The following SCAI variants were observed in gnomAD, a reference collection of about 807,000 sequenced individuals.
SCAI encodes the protein protein SCAI.
SCAI carries 24 observed loss-of-function variants against 92.2 expected under a neutral mutation model. The ratio of observed to expected loss-of-function variants is 0.26; its 90% CI spans 0.19 to 0.37. The LOEUF (loss-of-function observed/expected upper bound fraction) is 0.37, where lower values mean the gene tolerates loss of function less well. SCAI is among the 10% of genes least tolerant of loss of function. The pLI is 1.00. For missense variants in SCAI, 450 were observed against 736.2 expected (o/e 0.61, Z 4.50); for synonymous variants, 261 against 258.6 (o/e 1.01, Z -0.09).
At chr9:125,078,878 T>C (rs1257459470) in intron 2 of SCAI, among the ~76,000 whole-genome samples, 3 of 152,170 alleles carry the variant, frequency 2.0e-5, no homozygotes, top group South Asian at 4.1e-4. Context: ...TACTCCAGCC[T>C]GGGGGATAGA....
intron 3 of SCAI, among the ~76,000 whole-genome samples, chr9:125,033,389 C>T (rs1833123526): frequency 6.6e-6 from 1 of 151,952 alleles, no homozygotes; most frequent in African/African-American, 2.4e-5. Context: ...GTTAATAACA[C>T]TTTGTAGCAC....
At chr9:125,094,133 T>A (rs1196320529) in intron 2 of SCAI, among the ~76,000 whole-genome samples, 1 of 152,220 alleles carries the variant, frequency 6.6e-6, no homozygotes, top group African/African-American at 2.4e-5. Flanking sequence ...ATATGTCAAA[T>A]TCTATCACTT....
At position 125,026,809 on chromosome 9, in the gene SCAI, T is replaced by C. The variant is rs367680195; in HGVS notation, c.512+3A>G. 65 of 1,412,554 alleles carry C rather than the reference T, an allele frequency of 4.6e-5. No homozygotes were observed. Among genetic ancestry groups the C allele is most frequent in the Non-Finnish European group, 5.1e-5 (51 of 1,002,676 alleles). The allele number at this position is 1,412,554 out of a possible 1,614,324, so 87.5% of individuals were successfully genotyped here. Reference sequence around the variant, plus strand: ...TCTTTCTAAAAACATAGCAGATACATACCTGTCCTCTTTATTGACTTGAGA... The same window carrying C: ...TCTTTCTAAAAACATAGCAGATACACACCTGTCCTCTTTATTGACTTGAGA... On this transcript the variant is annotated splice_donor_region_variant and intron_variant, in intron 6 of 17. Coordinates refer to ENST00000336505, the MANE Select transcript of SCAI (RefSeq NM_001144877.3).
chr9:125,136,456 CTTT>C (rs1167871254), intron 2 of SCAI, among the ~76,000 whole-genome samples: 1 of 95,216 alleles, frequency 1.1e-5, no homozygotes. Flanking sequence ...TAATACCTTT[CTTT>C]TTTTTTTTTT....
chr9:125,108,465 G>A (rs1033137244), intron 2 of SCAI, among the ~76,000 whole-genome samples: 1 of 150,656 alleles, frequency 6.6e-6, no homozygotes, highest in African/African-American at 2.5e-5. Context: ...TGAGATGTGG[G>A]GAGCGCCTCT....
intron 2 of SCAI, among the ~76,000 whole-genome samples, chr9:125,062,907 C>T (rs1271488552): frequency 6.6e-6 from 1 of 150,868 alleles, no homozygotes; most frequent in Non-Finnish European, 1.5e-5. Context: ...GTAATCCCAG[C>T]TACTTGGGAG....
At chr9:124,989,657 GTA>G (rs1832076135) in intron 14 of SCAI, among the ~76,000 whole-genome samples, 1 of 151,794 alleles carries the variant, frequency 6.6e-6, no homozygotes, top group African/African-American at 2.4e-5. Flanking sequence ...GCCAAGGTGG[GTA>G]AATCATCTGA....
At chr9:124,971,648 G>C (rs761172576) in intron 16 of SCAI, 23 bp downstream of exon 16, 2 of 1,556,132 alleles carry the variant, frequency 1.3e-6, no homozygotes, top group Non-Finnish European at 1.7e-6. Flanking sequence ...TCTGTTAAAC[G>C]TGCAGTTAGA....
Position 124,948,394 on chromosome 9 carries a change from A to C in SCAI, c.*4413T>G, listed in dbSNP as rs890715504. On this transcript the variant is annotated 3_prime_UTR_variant, in exon 18 of 18. Transcript: ENST00000336505. ...AGAAACACACACATGCAAATGAAGA[A>C]TACATCCTGGCTAGAATAAAAGATA... The C allele has an allele frequency of 6.6e-6, 1 of 152,246 alleles. No homozygotes were observed. The highest frequency in any genetic ancestry group is 1.5e-5 in the Non-Finnish European group (1 of 68,036). 9.4% of individuals were successfully genotyped at this position (152,246 alleles called of 1,614,324 possible).
intron 17 of SCAI, among the ~76,000 whole-genome samples, chr9:124,953,280 A>T (rs144108447): frequency 6.6e-6 from 1 of 152,284 alleles, no homozygotes; most frequent in East Asian, 1.9e-4. Flanking sequence ...ACACATATAG[A>T]ATTTCAACAA....
At chr9:124,960,569 A>T in intron 17 of SCAI, among the ~76,000 whole-genome samples, 1 of 152,250 alleles carries the variant, frequency 6.6e-6, no homozygotes, top group South Asian at 2.1e-4. Context: ...CAGAAGGTTT[A>T]CACAAGAGTC....
intron 14 of SCAI, among the ~76,000 whole-genome samples, chr9:124,988,532 T>C (rs533650041): frequency 6.6e-6 from 1 of 152,278 alleles, no homozygotes; most frequent in Non-Finnish European, 1.5e-5. Context: ...TATGTATGTA[T>C]GTGTTACATA....
chr9:125,032,170 AATATATAT>A (rs1195663083), intron 3 of SCAI, among the ~76,000 whole-genome samples: 1 of 118,722 alleles, frequency 8.4e-6, no homozygotes, highest in African/African-American at 3.5e-5. Context: ...TAGTAAAATG[AATATATAT>A]ATATATATAT....
At chr9:125,132,420 A>G (rs1468739228) in intron 2 of SCAI, among the ~76,000 whole-genome samples, 1 of 152,062 alleles carries the variant, frequency 6.6e-6, no homozygotes, top group Non-Finnish European at 1.5e-5. Flanking sequence ...CCATTGGATT[A>G]CAGGTGTGAT....
At chr9:125,063,043 A>G (rs1275650435) in intron 2 of SCAI, among the ~76,000 whole-genome samples, 1 of 151,110 alleles carries the variant, frequency 6.6e-6, no homozygotes, top group Non-Finnish European at 1.5e-5. Flanking sequence ...AAAAAATGTA[A>G]AACACTGTGT....
chr9:125,101,050 C>T (rs1327932216), intron 2 of SCAI, among the ~76,000 whole-genome samples: 7 of 152,034 alleles, frequency 4.6e-5, no homozygotes, highest in Admixed American at 3.9e-4. Flanking sequence ...CACAGTGAGA[C>T]CCCATCTCTT....
At chr9:124,956,935 A>G (rs373036742) in intron 17 of SCAI, among the ~76,000 whole-genome samples, 3 of 152,180 alleles carry the variant, frequency 2.0e-5, no homozygotes, top group African/African-American at 7.2e-5. Flanking sequence ...ACATGTAAAA[A>G]AGCTAAAAGA....
At chr9:125,104,285 G>T (rs753230645) in intron 2 of SCAI, among the ~76,000 whole-genome samples, 24 of 152,140 alleles carry the variant, frequency 1.6e-4, no homozygotes, top group Non-Finnish European at 8.8e-5. Flanking sequence ...AACGACAAAG[G>T]AGTGTCCAGT....
intron 2 of SCAI, among the ~76,000 whole-genome samples, chr9:125,135,180 T>A (rs1835495549): frequency 6.6e-6 from 1 of 152,146 alleles, no homozygotes; most frequent in African/African-American, 2.4e-5. Flanking sequence ...ATAAAAGTTT[T>A]AAGGGGAAAA....
Sources: gnomAD v4.1 joint callset for allele counts (sites outside exome capture counted in the v4.1 genomes callset) on GRCh38, gnomAD v4.1.1 for gene constraint, MANE v1.5 for transcripts, NCBI Gene and HGNC (gene_info 2026-07-23, HGNC 2026-07-21) for gene names.